Variants in CDK14 observed in about 807,000 individuals in gnomAD.
CDK14 encodes the protein cyclin dependent kinase 14, also known as cyclin-dependent kinase 14.
A neutral mutation model predicts 60.7 loss-of-function variants in CDK14; 34 were observed. The observed-to-expected ratio is 0.56, with a 90% CI of 0.43 to 0.75. The LOEUF (loss-of-function observed/expected upper bound fraction) is 0.75. Ranked by LOEUF, CDK14 falls within the 30% of genes least tolerant of loss-of-function variation. The pLI is 0.00. For missense variants in CDK14, 482 were observed against 564.1 expected, an observed-to-expected ratio of 0.85 and a Z score of 1.47; for synonymous variants, 197 against 203.7, an observed-to-expected ratio of 0.97 and a Z score of 0.28.
At chr7:90,944,395 C>A (rs1794035648) in intron 8 of CDK14, among the ~76,000 whole-genome samples, 1 of 152,188 alleles carries the variant, frequency 6.6e-6, no homozygotes, top group South Asian at 2.1e-4. Context: ...AGACTTACTG[C>A]AGGCCAGACG....
At chr7:91,163,981 G>T (rs970933282) in intron 14 of CDK14, among the ~76,000 whole-genome samples, 1 of 152,140 alleles carries the variant, frequency 6.6e-6, no homozygotes, top group Admixed American at 6.5e-5. Flanking sequence ...TAGTTGTGTG[G>T]TCATATTGGA....
intron 2 of CDK14, among the ~76,000 whole-genome samples, chr7:90,622,922 T>C (rs1799803037): frequency 6.9e-6 from 1 of 144,920 alleles, no homozygotes; most frequent in African/African-American, 2.5e-5. Context: ...TCTTTTTTTT[T>C]CTTTTTTTTT....
chr7:90,724,415 C>A (rs1306461626), intron 2 of CDK14, among the ~76,000 whole-genome samples: 5 of 150,744 alleles, frequency 3.3e-5, no homozygotes, highest in Non-Finnish European at 5.9e-5. Context: ...TTTCTGTTTT[C>A]TATTTTATTT....
chr7:90,606,037 CT>C (rs1163678400), intron 2 of CDK14, among the ~76,000 whole-genome samples: 1 of 152,166 alleles, frequency 6.6e-6, no homozygotes. Flanking sequence ...TCATCCTTAG[CT>C]TTTGCAAAGT....
chr7:90,678,917 A>G (rs922349434), intron 2 of CDK14, among the ~76,000 whole-genome samples: 3 of 152,184 alleles, frequency 2.0e-5, no homozygotes, highest in Non-Finnish European at 2.9e-5. Flanking sequence ...CGTATCAGGA[A>G]GAGTTGCAAA....
At chr7:91,030,609 T>C (rs1375240116) in intron 10 of CDK14, among the ~76,000 whole-genome samples, 1 of 152,114 alleles carries the variant, frequency 6.6e-6, no homozygotes, top group Admixed American at 6.5e-5. Flanking sequence ...GAGGTAAGAC[T>C]GTGAAGAAGA....
Position 90,596,606 on chromosome 7 carries a change from G to A in CDK14, c.-22G>A, listed in dbSNP as rs776352347. ...GTGCCTGGACCAGTTTGGGGAAGTT[G>A]TCGGGGCTCCGCGTCGCCCAGATGT... On this transcript the variant is annotated 5_prime_UTR_variant, in exon 1 of 15. Transcript: ENST00000380050. The A allele has an allele frequency of 1.2e-6, 2 of 1,608,002 alleles. No homozygotes were observed. Among genetic ancestry groups the A allele is most frequent in the Non-Finnish European group, 1.7e-6 (2 of 1,176,332 alleles).
Position 91,116,996 on chromosome 7 carries a change from T to C in CDK14, c.1295-1069T>C, listed in dbSNP as rs551947901. On this transcript the variant is annotated intron_variant, in intron 13 of 14. Coordinates refer to ENST00000380050, the MANE Select transcript of CDK14 (RefSeq NM_001287135.2). ...CATGATTTAAATATCATCTATACAC[T>C]GGCAGTTTTCAAATATCCATCTCCA... 5.3e-5 allele frequency among the ~76,000 whole-genome samples: 8 copies of C among 150,498 alleles called. No homozygotes were observed. The East Asian group carries it at 1.4e-3, about 26-fold the overall frequency.
intron 12 of CDK14, among the ~76,000 whole-genome samples, chr7:91,104,374 A>C (rs1310801724): frequency 2.0e-5 from 3 of 152,184 alleles, no homozygotes; most frequent in African/African-American, 7.2e-5. Context: ...CCTCAAGACA[A>C]GGAAGTTCTA....
intron 10 of CDK14, among the ~76,000 whole-genome samples, chr7:91,026,882 C>G (rs1350187902): frequency 6.6e-6 from 1 of 152,186 alleles, no homozygotes; most frequent in Non-Finnish European, 1.5e-5. Context: ...TCTAAACTAT[C>G]ATGATGCTGG....
intron 5 of CDK14, among the ~76,000 whole-genome samples, chr7:90,821,928 C>T (rs1789564407): frequency 6.6e-6 from 1 of 152,212 alleles, no homozygotes; most frequent in Non-Finnish European, 1.5e-5. Flanking sequence ...GCTGTACCTT[C>T]GTTCAGGCCT....
chr7:90,645,097 A>C (rs1326359924), intron 2 of CDK14, among the ~76,000 whole-genome samples: 1 of 152,184 alleles, frequency 6.6e-6, no homozygotes, highest in Non-Finnish European at 1.5e-5. Context: ...TTCCAGTCTC[A>C]TGGAATTTAC....
intron 9 of CDK14, among the ~76,000 whole-genome samples, chr7:90,973,414 C>G (rs1794983238): frequency 1.3e-5 from 2 of 152,088 alleles, no homozygotes; most frequent in Admixed American, 6.6e-5. Context: ...CCTAAGGAAT[C>G]CCAAGCCTTT....
chr7:91,091,330 T>A (rs1798804018), intron 12 of CDK14, among the ~76,000 whole-genome samples: 1 of 143,784 alleles, frequency 7.0e-6, no homozygotes, highest in Non-Finnish European at 1.5e-5. Flanking sequence ...TATACACATA[T>A]GTGTATACAT....
intron 2 of CDK14, among the ~76,000 whole-genome samples, chr7:90,651,762 T>A (rs1230738577): frequency 1.3e-5 from 2 of 152,152 alleles, no homozygotes; most frequent in African/African-American, 4.8e-5. Context: ...TTCATTTTTT[T>A]AATGCTCGTA....
chr7:90,699,469 T>G (rs2116610120), intron 2 of CDK14, among the ~76,000 whole-genome samples: 1 of 152,346 alleles, frequency 6.6e-6, no homozygotes, highest in Non-Finnish European at 1.5e-5. Context: ...TCCCATAAGA[T>G]TGGTACCTTG....
intron 14 of CDK14, among the ~76,000 whole-genome samples, chr7:91,122,607 C>T (rs1342636822): frequency 6.6e-6 from 1 of 152,162 alleles, no homozygotes; most frequent in African/African-American, 2.4e-5. Flanking sequence ...TATGGCGGCT[C>T]ACTTTTTCTG....
chr7:90,604,176 A>G (rs1799371965), intron 1 of CDK14, 42 bp from the exon 2 acceptor site: 4 of 1,386,512 alleles, frequency 2.9e-6, no homozygotes, highest in South Asian at 2.7e-5. Context: ...TCTCTTTGGA[A>G]TTTTTCACAA....
At chr7:91,114,701 G>A (rs75499476) in intron 13 of CDK14, among the ~76,000 whole-genome samples, 1,556 of 152,140 alleles carry the variant, frequency 0.01, 18 homozygotes, top group African/African-American at 0.035. Context: ...AAATGCCTCC[G>A]GTAACAATTT....
Sources: gnomAD v4.1 joint callset for allele counts (sites outside exome capture counted in the v4.1 genomes callset) on GRCh38, gnomAD v4.1.1 for gene constraint, MANE v1.5 for transcripts, NCBI Gene and HGNC (gene_info 2026-07-23, HGNC 2026-07-21) for gene names.